Variants in IL7 observed in about 807,000 individuals in gnomAD.
The protein encoded by IL7 is interleukin 7.
IL7 carries 3 observed loss-of-function variants against 21.6 expected under a neutral mutation model. The ratio of observed to expected loss-of-function variants is 0.14; its 90% CI spans 0.06 to 0.36. The LOEUF (loss-of-function observed/expected upper bound fraction) is 0.36. Ranked by LOEUF, IL7 falls within the 10% of genes least tolerant of loss-of-function variation. IL7 has a pLI of 1.00. For synonymous variants in IL7, 62 were observed against 68.1 expected (o/e 0.91, Z 0.44); for missense variants, 175 against 200.2 (o/e 0.87, Z 0.76).
chr8:78,724,315 G>A (rs1353551957), intron 3 of IL7, among the ~76,000 whole-genome samples: 1 of 151,712 alleles, frequency 6.6e-6, no homozygotes, highest in African/African-American at 2.4e-5. Context: ...ATGTTGCCAT[G>A]CTATTGTTGG....
intron 6 of IL7, chr8:78,718,913 G>A (rs1413918407): frequency 4.0e-5 from 6 of 151,370 alleles, no homozygotes; most frequent in Non-Finnish European, 3.0e-5. Context: ...AAGACACAAT[G>A]TAAAGAATTG....
chr8:78,675,811 G>A, exon 5 of IL7: 1 of 1,609,574 alleles, frequency 6.2e-7, no homozygotes, highest in South Asian at 1.1e-5. Flanking sequence ...GTCCAAGTTG[G>A]AGAATTGTTA....
At chr8:78,759,431 G>C (rs1223813762) in intron 2 of IL7, among the ~76,000 whole-genome samples, 1 of 151,306 alleles carries the variant, frequency 6.6e-6, no homozygotes, top group Non-Finnish European at 1.5e-5. Flanking sequence ...AAAAAAACCA[G>C]ACAAATCAGT....
intron 1 of IL7, among the ~76,000 whole-genome samples, chr8:78,800,763 G>A (rs16906115): frequency 0.17 from 25,922 of 152,088 alleles, 3,221 homozygotes; most frequent in African/African-American, 0.34. Context: ...TATACTTCGG[G>A]AGGAGTAGAT....
intron 4 of IL7, among the ~76,000 whole-genome samples, chr8:78,684,967 T>C (rs1473886213): frequency 6.6e-6 from 1 of 152,150 alleles, no homozygotes; most frequent in African/African-American, 2.4e-5. Context: ...TTTTAAAAAT[T>C]AGACAAGTTG....
intron 3 of IL7, among the ~76,000 whole-genome samples, chr8:78,696,043 C>CT (rs1022267808): frequency 1.4e-4 from 21 of 148,620 alleles, no homozygotes; most frequent in African/African-American, 2.2e-4. Context: ...ATTTTTCTTT[C>CT]TTTTTTTTTT....
intron 2 of IL7, among the ~76,000 whole-genome samples, chr8:78,763,970 A>C (rs923670528): frequency 3.3e-5 from 5 of 151,988 alleles, no homozygotes; most frequent in African/African-American, 9.7e-5. Flanking sequence ...TCAATTTGCT[A>C]TTGGGGATAG....
At chr8:78,678,805 A>G in intron 4 of IL7, 1 of 551,800 alleles carries the variant, frequency 1.8e-6, no homozygotes, top group Non-Finnish European at 3.0e-6. Context: ...TAAAGAATAA[A>G]TACAATTCTG....
At chr8:78,679,144 T>A (rs1191713604) in intron 4 of IL7, 1 of 152,290 alleles carries the variant, frequency 6.6e-6, no homozygotes, top group Non-Finnish European at 1.5e-5. Context: ...GGATTTGTAA[T>A]CTATATTATG....
intron 3 of IL7, among the ~76,000 whole-genome samples, chr8:78,688,815 G>A (rs560812540): frequency 6.6e-6 from 1 of 152,074 alleles, no homozygotes; most frequent in East Asian, 1.9e-4. Context: ...TAATAGATGA[G>A]CCTGTATTTT....
chr8:78,682,006 A>G (rs62518978), intron 4 of IL7, among the ~76,000 whole-genome samples: 7,678 of 150,944 alleles, frequency 0.051, 271 homozygotes, highest in Middle Eastern at 0.079. Context: ...ACCTCCCAAA[A>G]TGTGGGGATT....
At chr8:78,683,552 G>A (rs139685547) in intron 4 of IL7, among the ~76,000 whole-genome samples, 3 of 152,222 alleles carry the variant, frequency 2.0e-5, no homozygotes, top group African/African-American at 4.8e-5. Context: ...ACAGTAGGGG[G>A]GCCCTGGACC....
At chr8:78,757,867 G>A (rs1308337458) in intron 2 of IL7, among the ~76,000 whole-genome samples, 1 of 152,044 alleles carries the variant, frequency 6.6e-6, no homozygotes, top group Non-Finnish European at 1.5e-5. Context: ...CCCAGTAGGA[G>A]GTAATTGACT....
intron 1 of IL7, 109 bp downstream of exon 1, chr8:78,804,804 A>G: frequency 7.7e-7 from 1 of 1,302,730 alleles, no homozygotes; most frequent in Non-Finnish European, 1.1e-6. Context: ...CCAAAGTGCA[A>G]GGCCGGGCTA....
At chr8:78,724,997 AT>A (rs1384423295) in intron 3 of IL7, among the ~76,000 whole-genome samples, 1 of 152,020 alleles carries the variant, frequency 6.6e-6, no homozygotes, top group Non-Finnish European at 1.5e-5. Flanking sequence ...TCAAATCTAA[AT>A]TTTGTTATTA....
chr8:78,760,558 G>A (rs1812517629), intron 2 of IL7: 1 of 1,547,924 alleles, frequency 6.5e-7, no homozygotes, highest in Non-Finnish European at 8.7e-7. Flanking sequence ...TGTCAGCATG[G>A]TGTTCCTCCA....
downstream of IL7, among the ~76,000 whole-genome samples, chr8:78,717,078 A>G (rs1811129477): frequency 6.6e-6 from 1 of 152,196 alleles, no homozygotes; most frequent in Non-Finnish European, 1.5e-5. Context: ...ATGTGAGAAC[A>G]GACTAACACA....
Position 78,733,788 on chromosome 8 carries a change from C to A in IL7, c.459G>T (p.Leu153Phe). ...CTTGTAATAGTCTCTTTAGGAAACACAAGTCATTCAGTTTTTTCTGTTCCT... is the reference window on the plus strand; with the variant it reads ...CTTGTAATAGTCTCTTTAGGAAACAAAAGTCATTCAGTTTTTTCTGTTCCT... ...SLKEQKKLNDLCFLKRLLQEI... is the reference protein window; with the variant it reads ...SLKEQKKLNDFCFLKRLLQEI... The change falls in exon 6 of 6, where the codon TTG becomes TTT. Residue 153 changes from leucine to phenylalanine, a missense_variant. Coordinates refer to ENST00000263851, the MANE Select transcript of IL7 (RefSeq NM_000880.4). The A allele has an allele frequency of 6.3e-7, 1 of 1,590,814 alleles. No individual in the cohort carries two copies. The highest frequency in any genetic ancestry group is 8.6e-7 in the Non-Finnish European group (1 of 1,169,190).
chr8:78,746,920 A>T (rs1400590200), intron 2 of IL7: 7 of 394,150 alleles, frequency 1.8e-5, no homozygotes, highest in Non-Finnish European at 2.5e-5. Flanking sequence ...TTGTGATAGG[A>T]CAGTTTTCTT....
Sources: gnomAD v4.1 joint callset for allele counts (sites outside exome capture counted in the v4.1 genomes callset) on GRCh38, gnomAD v4.1.1 for gene constraint, MANE v1.5 for transcripts, NCBI Gene and HGNC (gene_info 2026-07-23, HGNC 2026-07-21) for gene names.